The following EPHB1 variants were observed in gnomAD, a reference collection of about 807,000 sequenced individuals.
EPHB1 encodes EPH receptor B1.
In EPHB1, 30 loss-of-function variants were observed where a neutral mutation model predicts 94.4. That is an observed-to-expected ratio of 0.32 (90% CI 0.24 to 0.43). EPHB1 has a LOEUF of 0.43. Ranked by LOEUF, EPHB1 falls within the 20% of genes least tolerant of loss-of-function variation. EPHB1 has a pLI of 1.00. For synonymous variants in EPHB1, 522 were observed against 489.1 expected (o/e 1.07, Z -0.89); for missense variants, 1,055 against 1,308.3 (o/e 0.81, Z 2.99).
chr3:135,205,568 T>G (rs1342210302), intron 12 of EPHB1, among the ~76,000 whole-genome samples: 2 of 152,228 alleles, frequency 1.3e-5, no homozygotes, highest in African/African-American at 4.8e-5. Context: ...TGTTTTATAT[T>G]TGAATATTTA....
intron 11 of EPHB1, among the ~76,000 whole-genome samples, chr3:135,195,669 A>C (rs1329967576): frequency 7.5e-6 from 1 of 133,366 alleles, no homozygotes; most frequent in African/African-American, 3.0e-5. Context: ...TGAACTCATC[A>C]TTTTTTATGG....
At chr3:134,842,004 G>A (rs536575049) in intron 1 of EPHB1, among the ~76,000 whole-genome samples, 2 of 152,290 alleles carry the variant, frequency 1.3e-5, no homozygotes, top group South Asian at 4.1e-4. Flanking sequence ...TAGTCTGATT[G>A]TGATCCCCCG....
intron 11 of EPHB1, among the ~76,000 whole-genome samples, chr3:135,193,272 T>A (rs1382527650): frequency 6.6e-6 from 1 of 152,220 alleles, no homozygotes; most frequent in Non-Finnish European, 1.5e-5. Flanking sequence ...CTGGGCCACC[T>A]GCCCTCTGAG....
At chr3:134,978,760 G>A (rs948940281) in intron 3 of EPHB1, among the ~76,000 whole-genome samples, 1 of 152,222 alleles carries the variant, frequency 6.6e-6, no homozygotes, top group Non-Finnish European at 1.5e-5. Flanking sequence ...ATGAGACTGT[G>A]AGCTGTGGCA....
rs115177226 is a variant in EPHB1, at chr3:134,916,785, G to A, written c.59-9031G>A. ...AGCCAAGGGATCCGGCTCCGGCCTC[G>A]GCCAGCCCAGAGAAGGGCTCCCAAG... is the stretch of plus-strand genomic sequence containing the variant. On this transcript the variant is annotated intron_variant, in intron 1 of 15. Transcript: ENST00000398015. 8.5e-3 allele frequency among the ~76,000 whole-genome samples: 1,293 copies of A among 152,268 alleles called. 23 individuals carry two copies. The highest frequency in any genetic ancestry group is 0.028 in the African/African-American group (1,179 of 41,550).
chr3:134,858,799 CAG>C lies in EPHB1; in HGVS notation c.58+63113_58+63114del, dbSNP rs1284417402. Among the ~76,000 whole-genome samples the C allele has an allele frequency of 5.9e-5, 9 of 152,188 alleles. No homozygotes were observed. In the East Asian group the frequency reaches 1.7e-3, roughly 29 times the overall value. On this transcript the variant is annotated intron_variant, in intron 1 of 15. Coordinates refer to ENST00000398015, the MANE Select transcript of EPHB1 (RefSeq NM_004441.5). ...AGAGCTGGAACCAAGGCCAGCTGGCCAGAGTTTCCAGCCAGGACAGCCCCACA... is the reference window on the plus strand; with the variant it reads ...AGAGCTGGAACCAAGGCCAGCTGGCCAGTTTCCAGCCAGGACAGCCCCACA...
chr3:135,254,625 A>G (rs1439339287), intron 15 of EPHB1, among the ~76,000 whole-genome samples: 1 of 152,170 alleles, frequency 6.6e-6, no homozygotes, highest in Non-Finnish European at 1.5e-5. Flanking sequence ...CCAGTATTTT[A>G]TTGAAGATTT....
At chr3:134,854,770 T>C (rs1480009414) in intron 1 of EPHB1, among the ~76,000 whole-genome samples, 2 of 152,226 alleles carry the variant, frequency 1.3e-5, no homozygotes, top group African/African-American at 4.8e-5. Context: ...AGCCTCATCA[T>C]GGGCTTCAAT....
At chr3:135,059,469 G>A (rs576836339) in intron 3 of EPHB1, among the ~76,000 whole-genome samples, 1 of 152,182 alleles carries the variant, frequency 6.6e-6, no homozygotes, top group East Asian at 1.9e-4. Context: ...CTCAAGAAGG[G>A]GTGAGAGAAA....
chr3:134,954,404 G>C (rs1406791026), intron 3 of EPHB1, among the ~76,000 whole-genome samples: 1 of 152,134 alleles, frequency 6.6e-6, no homozygotes, highest in Non-Finnish European at 1.5e-5. Context: ...CTCATTTTTG[G>C]TGCTCACGGA....
At position 135,192,718 on chromosome 3, in the gene EPHB1, C is replaced by A. The variant is rs1414610129; in HGVS notation, c.2025C>A (p.Phe675Leu). ...FLSEASIMGQ[F>L]DHPNIIRLEG... The stretch of plus-strand genomic sequence containing the variant: ...GTGAGGCGAGCATCATGGGCCAGTT[C>A]GACCATCCTAACATCATTCGCCTGG... Residue 675 changes from phenylalanine to leucine, a missense_variant, in exon 11 of 16, where the codon TTC (phenylalanine) becomes TTA (leucine). Physicochemically the swap from Phe to Leu is conservative, Grantham distance 22. Coordinates refer to ENST00000398015, the MANE Select transcript of EPHB1 (RefSeq NM_004441.5). The A allele has an allele frequency of 6.2e-7, 1 of 1,614,152 alleles. No homozygotes were observed. Among genetic ancestry groups the A allele is most frequent in the Admixed American group, 1.7e-5 (1 of 60,006 alleles).
chr3:135,179,241 C>T (rs111334290), intron 9 of EPHB1, among the ~76,000 whole-genome samples: 2,415 of 152,254 alleles, frequency 0.016, 26 homozygotes, highest in Middle Eastern at 0.034. Context: ...CATACCACCT[C>T]ATTTTTTCTA....
At chr3:135,129,857 G>T (rs1940357896) in intron 4 of EPHB1, among the ~76,000 whole-genome samples, 1 of 151,996 alleles carries the variant, frequency 6.6e-6, no homozygotes, top group Non-Finnish European at 1.5e-5. Flanking sequence ...ATTGTGTAGA[G>T]GCTCAGAGAT....
intron 12 of EPHB1, among the ~76,000 whole-genome samples, chr3:135,215,367 T>C (rs1943124556): frequency 1.3e-5 from 2 of 152,072 alleles, no homozygotes; most frequent in East Asian, 3.9e-4. Context: ...TTCTCCATGT[T>C]GGTCAGGCTG....
chr3:134,827,360 C>T (rs556598418), intron 1 of EPHB1, among the ~76,000 whole-genome samples: 5 of 115,766 alleles, frequency 4.3e-5, no homozygotes, highest in East Asian at 2.0e-4. Context: ...CGCGGGTGCG[C>T]GTGCACACAC....
At chr3:135,069,073 CTAT>C (rs985325881) in intron 3 of EPHB1, among the ~76,000 whole-genome samples, 27 of 149,362 alleles carry the variant, frequency 1.8e-4, no homozygotes, top group African/African-American at 6.4e-4. Flanking sequence ...CCCAGTTTAC[CTAT>C]TATTCCTTTG....
chr3:134,882,700 T>TTTCC (rs1372984258), intron 1 of EPHB1, among the ~76,000 whole-genome samples: 1 of 151,512 alleles, frequency 6.6e-6, no homozygotes, highest in Non-Finnish European at 1.5e-5. Context: ...TCTTTCCTTC[T>TTTCC]TTCCTTCCTT....
At chr3:134,836,701 A>G (rs1404591359) in intron 1 of EPHB1, among the ~76,000 whole-genome samples, 2 of 152,266 alleles carry the variant, frequency 1.3e-5, no homozygotes, top group Admixed American at 6.5e-5. Context: ...TGTGATACAC[A>G]GGCTCTATAA....
intron 3 of EPHB1, among the ~76,000 whole-genome samples, chr3:135,097,000 G>T (rs1350764420): frequency 6.6e-6 from 1 of 151,352 alleles, no homozygotes; most frequent in Non-Finnish European, 1.5e-5. Context: ...GGAGGCTGAG[G>T]CAGGAGTATC....
Sources: gnomAD v4.1 joint callset for allele counts (sites outside exome capture counted in the v4.1 genomes callset) on GRCh38, gnomAD v4.1.1 for gene constraint, MANE v1.5 for transcripts, NCBI Gene and HGNC (gene_info 2026-07-23, HGNC 2026-07-21) for gene names.